Variants in LRRC8D observed in about 807,000 individuals in gnomAD.
LRRC8D encodes volume-regulated anion channel subunit LRRC8D.
Under a neutral mutation model 55.8 loss-of-function variants are expected in LRRC8D, and 20 were observed. The observed-to-expected ratio is 0.36, with a 90% CI of 0.25 to 0.52. The LOEUF is 0.52. Ranked by LOEUF, LRRC8D falls within the 20% of genes least tolerant of loss-of-function variation. The probability of loss-of-function intolerance (pLI) is 0.93; values close to 1 mark genes in which losing one functional copy is unlikely to be tolerated. For synonymous variants in LRRC8D, 352 were observed against 377.0 expected, an observed-to-expected ratio of 0.93 and a Z score of 0.77; for missense variants, 651 against 1,030.8, an observed-to-expected ratio of 0.63 and a Z score of 5.05.
chr1:89,925,736 G>A (rs1486922666), intron 2 of LRRC8D, among the ~76,000 whole-genome samples: 1 of 152,154 alleles, frequency 6.6e-6, no homozygotes, highest in African/African-American at 2.4e-5. Flanking sequence ...TAATTCAGTC[G>A]ATGGTTGAAA....
chr1:89,837,358 C>T (rs1661024934), intron 1 of LRRC8D, among the ~76,000 whole-genome samples: 1 of 152,190 alleles, frequency 6.6e-6, no homozygotes, highest in African/African-American at 2.4e-5. Flanking sequence ...ACTGGAAAGT[C>T]TCTGAGCCCC....
intron 2 of LRRC8D, among the ~76,000 whole-genome samples, chr1:89,912,162 A>C (rs1378629171): frequency 6.6e-6 from 1 of 152,080 alleles, no homozygotes; most frequent in Non-Finnish European, 1.5e-5. Flanking sequence ...AGTGGAAATC[A>C]TGTTGACTAT....
At chr1:89,901,874 C>T (rs149041228) in intron 2 of LRRC8D, among the ~76,000 whole-genome samples, 12 of 152,340 alleles carry the variant, frequency 7.9e-5, no homozygotes, top group Admixed American at 2.0e-4. Context: ...CTGAAGGCTT[C>T]GTCTTCTTCC....
At chr1:89,917,304 C>G (rs549124681) in intron 2 of LRRC8D, among the ~76,000 whole-genome samples, 78 of 152,260 alleles carry the variant, frequency 5.1e-4, no homozygotes, top group Non-Finnish European at 1.0e-3. Context: ...GCAATAGCTG[C>G]TTTCCTGATC....
At chr1:89,907,664 T>G (rs1663030714) in intron 2 of LRRC8D, among the ~76,000 whole-genome samples, 1 of 152,212 alleles carries the variant, frequency 6.6e-6, no homozygotes, top group Non-Finnish European at 1.5e-5. Context: ...TACAAAGAAC[T>G]TAGAGGAATT....
At chr1:89,930,200 T>G (rs978486131) in intron 2 of LRRC8D, among the ~76,000 whole-genome samples, 1 of 152,176 alleles carries the variant, frequency 6.6e-6, no homozygotes, top group Non-Finnish European at 1.5e-5. Context: ...CAGGTTTCTA[T>G]GTACTTCATT....
At chr1:89,855,286 T>C (rs920612814) in intron 2 of LRRC8D, among the ~76,000 whole-genome samples, 7 of 152,212 alleles carry the variant, frequency 4.6e-5, no homozygotes, top group African/African-American at 1.7e-4. Flanking sequence ...GTATTCTTCC[T>C]CTGGAAGGTG....
At chr1:89,844,693 A>G (rs1166878575) in intron 2 of LRRC8D, among the ~76,000 whole-genome samples, 1 of 152,180 alleles carries the variant, frequency 6.6e-6, no homozygotes, top group Non-Finnish European at 1.5e-5. Flanking sequence ...TATGCTACAG[A>G]CGTTTTGCAT....
In LRRC8D at chr1:89,821,071, CGCCGCTGCTGCCGCT is replaced by C. The variant is rs1660614880; in HGVS notation, c.-359_-345del. ...CAGAGTCATGTGCTGCTGCTCCCGT[CGCCGCTGCTGCCGCT>C]GCCGCTGCCGCCGCCCGTGGTGCCC... is the stretch of plus-strand genomic sequence containing the variant. On this transcript the variant is annotated 5_prime_UTR_variant, in exon 1 of 3. Coordinates refer to ENST00000337338, the MANE Select transcript of LRRC8D (RefSeq NM_001134479.2). 1 of 23,626 alleles carries C rather than the reference CGCCGCTGCTGCCGCT, an allele frequency of 4.2e-5. No individual in the cohort carries two copies. Among genetic ancestry groups the C allele is most frequent in the African/African-American group, 2.2e-4 (1 of 4,602 alleles). 1.5% of individuals were successfully genotyped at this position (23,626 alleles called of 1,614,324 possible).
At chr1:89,898,382 A>G (rs1344190) in intron 2 of LRRC8D, among the ~76,000 whole-genome samples, 35,044 of 152,118 alleles carry the variant, frequency 0.23, 4,682 homozygotes, top group African/African-American at 0.37. Flanking sequence ...GCATCTCACA[A>G]TGTTCCAGAT....
intron 2 of LRRC8D, among the ~76,000 whole-genome samples, chr1:89,872,353 GGTCGAAAACTGCCCA>G (rs1662029524): frequency 6.6e-6 from 1 of 152,220 alleles, no homozygotes; most frequent in South Asian, 2.1e-4. Flanking sequence ...CAAGGCATAA[GGTCGAAAACTGCCCA>G]GTGGGGTGGA....
intron 2 of LRRC8D, among the ~76,000 whole-genome samples, chr1:89,918,103 T>G (rs1443245091): frequency 2.0e-5 from 3 of 152,114 alleles, no homozygotes; most frequent in African/African-American, 7.2e-5. Context: ...AGACTTAGAG[T>G]TAATGCTTAT....
At chr1:89,921,841 G>T (rs1389388238) in intron 2 of LRRC8D, among the ~76,000 whole-genome samples, 1 of 152,024 alleles carries the variant, frequency 6.6e-6, no homozygotes, top group Non-Finnish European at 1.5e-5. Flanking sequence ...ACTGCACCCG[G>T]CCAACTTTTA....
intron 1 of LRRC8D, among the ~76,000 whole-genome samples, chr1:89,835,975 C>G (rs935336799): frequency 2.6e-5 from 4 of 152,214 alleles, no homozygotes; most frequent in African/African-American, 7.2e-5. Context: ...TCTTTCCTTT[C>G]AGAGCCTTTT....
chr1:89,883,147 C>T (rs903323572), intron 2 of LRRC8D, among the ~76,000 whole-genome samples: 4 of 152,086 alleles, frequency 2.6e-5, no homozygotes, highest in South Asian at 2.1e-4. Context: ...TGCATGATCA[C>T]GCCTGTGAAT....
chr1:89,835,225 C>T (rs1660976862), intron 1 of LRRC8D, among the ~76,000 whole-genome samples: 1 of 152,088 alleles, frequency 6.6e-6, no homozygotes, highest in Non-Finnish European at 1.5e-5. Flanking sequence ...TGAGGGCAGC[C>T]TGGTGAGGGA....
chr1:89,832,522 C>T (rs1660911769), intron 1 of LRRC8D, among the ~76,000 whole-genome samples: 1 of 152,134 alleles, frequency 6.6e-6, no homozygotes, highest in Non-Finnish European at 1.5e-5. Flanking sequence ...AAAATGTCCC[C>T]TTCTATTTGT....
chr1:89,887,420 A>G (rs1477641793), intron 2 of LRRC8D, among the ~76,000 whole-genome samples: 3 of 152,178 alleles, frequency 2.0e-5, no homozygotes, highest in Non-Finnish European at 4.4e-5. Flanking sequence ...ACTGAACTGA[A>G]CACAGAATGA....
At chr1:89,854,161 G>A (rs535829351) in intron 2 of LRRC8D, among the ~76,000 whole-genome samples, 1 of 152,340 alleles carries the variant, frequency 6.6e-6, no homozygotes, top group South Asian at 2.1e-4. Flanking sequence ...TATGCAAGTG[G>A]ATGGGAAAGA....
Sources: allele counts gnomAD v4.1 joint callset (sites outside exome capture counted in the v4.1 genomes callset), GRCh38; gene constraint gnomAD v4.1.1; transcripts MANE v1.5; gene names NCBI Gene and HGNC (gene_info 2026-07-23, HGNC 2026-07-21).